The following CNST variants were observed in gnomAD, a reference collection of about 807,000 sequenced individuals.
CNST encodes consortin, connexin sorting protein, also known as consortin.
In CNST, 39 loss-of-function variants were observed where a neutral mutation model predicts 72.4. That is an observed-to-expected ratio of 0.54 (90% confidence interval 0.42 to 0.70). CNST has a LOEUF of 0.70. Ranked by LOEUF, CNST falls within the 30% of genes least tolerant of loss-of-function variation. CNST has a pLI of 0.00. For missense variants in CNST, 871 were observed against 868.5 expected (o/e 1.00, Z -0.04); for synonymous variants, 332 against 320.1 (o/e 1.04, Z -0.40).
intron 4 of CNST, chr1:246,632,435 C>G (rs1488837725): frequency 4.8e-6 from 1 of 207,768 alleles, no homozygotes; most frequent in Non-Finnish European, 1.0e-5. Context: ...CAGTAAGGGA[C>G]CCCCATTTTA....
chr1:246,605,934 G>A (rs1320458433), intron 2 of CNST: 1 of 152,196 alleles, frequency 6.6e-6, no homozygotes, highest in East Asian at 1.9e-4. Flanking sequence ...TTGGGACTGG[G>A]TCTGAGGAGG....
intron 2 of CNST, among the ~76,000 whole-genome samples, chr1:246,604,311 G>T: frequency 1.3e-5 from 2 of 151,806 alleles, no homozygotes; most frequent in Admixed American, 1.3e-4. Context: ...ATGAAGAAAC[G>T]GTGTAGTTAT....
chr1:246,648,668 A>G (rs1666273188), intron 9 of CNST, among the ~76,000 whole-genome samples: 1 of 152,230 alleles, frequency 6.6e-6, no homozygotes, highest in African/African-American at 2.4e-5. Flanking sequence ...CTGGTGTGGT[A>G]GAGCAGAATT....
At chr1:246,623,936 G>A (rs564969305) in intron 3 of CNST, among the ~76,000 whole-genome samples, 19 of 151,262 alleles carry the variant, frequency 1.3e-4, no homozygotes, top group South Asian at 6.3e-4. Flanking sequence ...GGTGGCGTGC[G>A]CCTGTAATCC....
intron 2 of CNST, among the ~76,000 whole-genome samples, chr1:246,602,473 C>T (rs1483307532): frequency 6.6e-6 from 1 of 152,202 alleles, no homozygotes; most frequent in Non-Finnish European, 1.5e-5. Flanking sequence ...ACCCTCGCCA[C>T]ATGGCCCACT....
intron 3 of CNST, among the ~76,000 whole-genome samples, chr1:246,623,130 T>C (rs1664198241): frequency 6.6e-6 from 1 of 152,194 alleles, no homozygotes; most frequent in African/African-American, 2.4e-5. Context: ...AGCCTGCATT[T>C]TATTTTTACA....
chr1:246,652,531 A>G (rs1406627418), intron 9 of CNST, among the ~76,000 whole-genome samples: 1 of 152,230 alleles, frequency 6.6e-6, no homozygotes, highest in Admixed American at 6.5e-5. Context: ...TGCTGTGTGG[A>G]GATAAACCAT....
At chr1:246,623,474 G>A (rs1177057780) in intron 3 of CNST, among the ~76,000 whole-genome samples, 3 of 152,216 alleles carry the variant, frequency 2.0e-5, no homozygotes, top group South Asian at 4.1e-4. Flanking sequence ...AAAGTAGGCA[G>A]GGCACAGTGG....
At chr1:246,612,131 G>A (rs1385277361) in intron 2 of CNST, among the ~76,000 whole-genome samples, 1 of 152,246 alleles carries the variant, frequency 6.6e-6, no homozygotes, top group Non-Finnish European at 1.5e-5. Flanking sequence ...TATGAGCACT[G>A]AGTTTCTCTT....
rs191892093 is a variant in CNST, at chr1:246,659,544, G to A, written c.1837-655G>A. 9.5e-4 allele frequency among the ~76,000 whole-genome samples: 144 copies of A among 151,840 alleles called. 2 individuals are homozygous for A. Among genetic ancestry groups the A allele is most frequent in the South Asian group, 3.7e-3 (18 of 4,806 alleles). On this transcript the variant is annotated intron_variant, in intron 9 of 10. Transcript: ENST00000366513. The stretch of plus-strand genomic sequence containing the variant: ...CGGGAGGCGGAGATTGCAGTGAGCC[G>A]AGATCGCGCCACTGCACTCCAGCCT...
intron 1 of CNST, among the ~76,000 whole-genome samples, chr1:246,581,092 C>T (rs1660756967): frequency 6.6e-6 from 1 of 152,100 alleles, no homozygotes; most frequent in South Asian, 2.1e-4. Context: ...AATATCCACT[C>T]ACATCCTGAT....
At chr1:246,622,028 T>C (rs574592679) in intron 3 of CNST, among the ~76,000 whole-genome samples, 2 of 152,158 alleles carry the variant, frequency 1.3e-5, no homozygotes, top group East Asian at 3.9e-4. Flanking sequence ...AAATAAAAAA[T>C]AAAATGCAAT....
rs1163192946 is a variant in CNST at position 246,642,023 on chromosome 1, C to T, written c.923C>T (p.Thr308Ile). The T allele has an allele frequency of 3.1e-6, 5 of 1,605,938 alleles. No individual in the cohort carries two copies. Among genetic ancestry groups the T allele is most frequent in the Admixed American group, 1.7e-5 (1 of 59,526 alleles). The change falls in exon 8 of 11, where the codon ACC becomes ATC. Residue 308 changes from threonine to isoleucine, a missense_variant. By Grantham distance (89) the Thr-to-Ile change is moderately conservative. Coordinates refer to ENST00000366513, the MANE Select transcript of CNST (RefSeq NM_152609.3). The stretch of plus-strand genomic sequence containing the variant: ...GAAGATCCAAAGGAAGGAGGAGCTA[C>T]CACCAAAGAGTCAGGTATGTTTTTA... ...VSEDPKEGGA[T>I]TKESESKTCL...
At chr1:246,655,334 G>A (rs148011706) in intron 9 of CNST, among the ~76,000 whole-genome samples, 2 of 152,114 alleles carry the variant, frequency 1.3e-5, no homozygotes, top group Admixed American at 1.3e-4. Context: ...AGTGTTCTAA[G>A]ATGCAGTGCT....
Position 246,666,001 on chromosome 1 carries a change from C to T in CNST, c.*96C>T, listed in dbSNP as rs1340149625. 6.9e-6 allele frequency: 6 copies of T among 866,866 alleles called. No homozygotes were observed. Among genetic ancestry groups the T allele is most frequent in the African/African-American group, 1.7e-5 (1 of 59,576 alleles). The allele number at this position is 866,866 out of a possible 1,614,324, so 53.7% of individuals were successfully genotyped here. A position where few individuals can be genotyped will look rare whatever the true frequency, so the allele number is the denominator to read the frequency against. On this transcript the variant is annotated 3_prime_UTR_variant, in exon 11 of 11. Transcript: ENST00000366513. ...CAGGAATTCTGTAGCATTCCCCCTT[C>T]CCTCTGTTAGGAACCAAGGACATCA...
At chr1:246,638,398 A>G (rs1665441142) in intron 6 of CNST, among the ~76,000 whole-genome samples, 1 of 152,166 alleles carries the variant, frequency 6.6e-6, no homozygotes, top group Admixed American at 6.5e-5. Flanking sequence ...GCAATGAATG[A>G]CGGCAGCTTT....
chr1:246,658,235 C>T (rs1666873964), intron 9 of CNST, among the ~76,000 whole-genome samples: 1 of 152,038 alleles, frequency 6.6e-6, no homozygotes, highest in Non-Finnish European at 1.5e-5. Context: ...TTCTTGTTTT[C>T]CATCTTTTGC....
chr1:246,584,407 G>A lies in CNST; in HGVS notation c.-51-7105G>A, dbSNP rs1661001027. Among the ~76,000 whole-genome samples the A allele has an allele frequency of 2.6e-5, 4 of 152,142 alleles. No homozygotes were observed. In the South Asian group the frequency reaches 8.3e-4, roughly 32 times the overall value. On this transcript the variant is annotated intron_variant, in intron 1 of 10. Transcript: ENST00000366513. ...ATGCATTCAGATGTCCACATAAAGT[G>A]GGAAGAATGGCGGTGCAGTCAAGAA...
chr1:246,642,111 C>A, intron 8 of CNST, 74 bp downstream of exon 8: 2 of 522,128 alleles, frequency 3.8e-6, no homozygotes, highest in South Asian at 2.3e-5. Context: ...AGTGATACAT[C>A]TGAATTGCTG....
Sources: gnomAD v4.1 joint callset for allele counts (sites outside exome capture counted in the v4.1 genomes callset) on GRCh38, gnomAD v4.1.1 for gene constraint, MANE v1.5 for transcripts, NCBI Gene and HGNC (gene_info 2026-07-23, HGNC 2026-07-21) for gene names.